CPNE8: variants seen among roughly 807,000 people sequenced by gnomAD.
CPNE8 encodes the protein copine 8.
CPNE8 carries 45 observed loss-of-function variants against 81.5 expected under a neutral mutation model. The ratio of observed to expected loss-of-function variants is 0.55; its 90% confidence interval spans 0.44 to 0.71. The LOEUF is 0.71. Ranked by LOEUF, CPNE8 falls within the 30% of genes least tolerant of loss-of-function variation. CPNE8 has a pLI of 0.00. For missense variants in CPNE8, 594 were observed against 672.1 expected (o/e 0.88, Z 1.28); for synonymous variants, 252 against 226.3 (o/e 1.11, Z -1.02).
chr12:38,882,548 A>G lies in CPNE8; in HGVS notation c.99-8037T>C, dbSNP rs368596678. ...CCACAGGAAACGAGTACAGCCAGTA[A>G]CACTGTCCAACCTCTCCTCCAAGCA... On this transcript the variant is annotated intron_variant, in intron 1 of 19. Coordinates refer to ENST00000331366, the MANE Select transcript of CPNE8 (RefSeq NM_153634.3). 2.6e-5 allele frequency among the ~76,000 whole-genome samples: 4 copies of G among 152,304 alleles called. No homozygotes were observed. In the East Asian group the frequency reaches 7.7e-4, roughly 29 times the overall value.
chr12:38,896,095 G>C (rs1006242026), intron 1 of CPNE8, among the ~76,000 whole-genome samples: 2 of 152,054 alleles, frequency 1.3e-5, no homozygotes, highest in African/African-American at 2.4e-5. Flanking sequence ...AAAGAAAATA[G>C]ATGGCAAATA....
chr12:38,793,912 C>T (rs1446475574), intron 6 of CPNE8, among the ~76,000 whole-genome samples: 1 of 151,834 alleles, frequency 6.6e-6, no homozygotes, highest in Non-Finnish European at 1.5e-5. Context: ...AGAAATACAC[C>T]CTAATGTACA....
chr12:38,735,868 T>C (rs1217693681), intron 10 of CPNE8, among the ~76,000 whole-genome samples: 1 of 151,810 alleles, frequency 6.6e-6, no homozygotes, highest in South Asian at 2.1e-4. Context: ...CTGGTTCATG[T>C]TTTTACTATT....
chr12:38,695,710 A>C (rs1352999051), intron 14 of CPNE8, among the ~76,000 whole-genome samples: 1 of 152,168 alleles, frequency 6.6e-6, no homozygotes, highest in East Asian at 1.9e-4. Flanking sequence ...AGGCTGAGGC[A>C]GGTGGACAGC....
At chr12:38,827,722 G>A in intron 6 of CPNE8, among the ~76,000 whole-genome samples, 1 of 152,152 alleles carries the variant, frequency 6.6e-6, no homozygotes, top group East Asian at 1.9e-4. Context: ...CACAGGAACA[G>A]AAAACCAAAT....
intron 3 of CPNE8, among the ~76,000 whole-genome samples, chr12:38,855,052 A>G (rs1047060363): frequency 3.2e-4 from 49 of 152,166 alleles, no homozygotes; most frequent in Non-Finnish European, 1.2e-4. Flanking sequence ...GTAAAGTTAC[A>G]GGATACAAAA....
At chr12:38,906,691 G>C (rs903479970), upstream of CPNE8, 15 of 760,438 alleles carry the variant, frequency 2.0e-5, no homozygotes, top group Admixed American at 9.4e-4. Flanking sequence ...AAAGCATCCG[G>C]AGGTAGACGA....
At chr12:38,675,856 A>C in intron 17 of CPNE8, 82 bp from the exon 18 acceptor site, 45 of 914,472 alleles carry the variant, frequency 4.9e-5, no homozygotes, top group Non-Finnish European at 7.8e-5. Context: ...ATGATATCTC[A>C]CTCTTGAAAT....
intron 10 of CPNE8, among the ~76,000 whole-genome samples, chr12:38,742,233 G>A (rs940111454): frequency 6.6e-6 from 1 of 152,172 alleles, no homozygotes; most frequent in Non-Finnish European, 1.5e-5. Flanking sequence ...ATACATGTAT[G>A]TTTATTGCGG....
intron 14 of CPNE8, among the ~76,000 whole-genome samples, chr12:38,695,720 C>A (rs924960887): frequency 6.6e-6 from 1 of 152,128 alleles, no homozygotes; most frequent in Admixed American, 6.5e-5. Context: ...AGGTGGACAG[C>A]TTGAGCCCAG....
Position 38,693,639 on chromosome 12 carries a change from C to CT in CPNE8, c.1143+17dup, listed in dbSNP as rs1939727503. 6.3e-7 allele frequency: 1 copy of CT among 1,594,238 alleles called. No homozygotes were observed. Among genetic ancestry groups the CT allele is most frequent in the South Asian group, 1.1e-5 (1 of 87,442 alleles). On this transcript the variant is annotated intron_variant, in intron 15 of 19. Transcript: ENST00000331366. ...CATTAATTTTTCAAAACATCAAATC[C>CT]TTTTGACAAATTCTTACCAAAGCAA...
intron 10 of CPNE8, among the ~76,000 whole-genome samples, chr12:38,744,293 T>C (rs1220821186): frequency 6.6e-6 from 1 of 152,218 alleles, no homozygotes; most frequent in Non-Finnish European, 1.5e-5. Flanking sequence ...TAATCACGAA[T>C]TCCAGTATTG....
At chr12:38,698,330 G>T (rs929384363) in intron 14 of CPNE8, among the ~76,000 whole-genome samples, 1 of 152,070 alleles carries the variant, frequency 6.6e-6, no homozygotes, top group Non-Finnish European at 1.5e-5. Context: ...TATGATTTGC[G>T]AACATTTTTT....
At chr12:38,905,656 C>A, upstream of CPNE8, 1 of 1,489,342 alleles carries the variant, frequency 6.7e-7, no homozygotes, top group South Asian at 1.3e-5. Flanking sequence ...GAGGCGGAGG[C>A]AGCGCGCGGG....
Position 38,724,860 on chromosome 12 carries a change from T to C in CPNE8, c.838A>G (p.Thr280Ala). 3 of 1,483,964 alleles carry C rather than the reference T, an allele frequency of 2.0e-6. No homozygotes were observed. Among genetic ancestry groups the C allele is most frequent in the Middle Eastern group, 3.5e-4 (2 of 5,642 alleles). The allele number at this position is 1,483,964 out of a possible 1,614,324, so 91.9% of individuals were successfully genotyped here. ...PKKKGKKKKY[T>A]NSGTVTLLSF... ...ATTTGACTTACTGTTCCAGAATTAG[T>C]ATATTTTTTCTTTTTTCCTTTCTTT... Residue 280 changes from threonine to alanine, a missense_variant, in exon 12 of 20, where the codon ACT becomes GCT. By Grantham distance (58) the Thr-to-Ala change is moderately conservative. Coordinates refer to ENST00000331366, the MANE Select transcript of CPNE8 (RefSeq NM_153634.3).
In CPNE8 at chr12:38,786,726, A is replaced by T. The variant is rs550077524; in HGVS notation, c.408-10425T>A. ...AGACAAAATAGGTTTCAAGACAAAA[A>T]CTATCAAAAGAGACAAAGAAGGTCA... On this transcript the variant is annotated intron_variant, in intron 6 of 19. Transcript: ENST00000331366. Among the ~76,000 whole-genome samples, 37 of 152,312 alleles carry T rather than the reference A, an allele frequency of 2.4e-4. 1 individual carries two copies. The South Asian group carries it at 6.4e-3, about 26-fold the overall frequency.
chr12:38,775,284 C>T (rs1361544273), intron 7 of CPNE8, among the ~76,000 whole-genome samples: 2 of 152,032 alleles, frequency 1.3e-5, no homozygotes, highest in Non-Finnish European at 2.9e-5. Context: ...CCATGTCCCA[C>T]CAGAAATGTA....
intron 3 of CPNE8, among the ~76,000 whole-genome samples, chr12:38,853,287 AG>A (rs748706618): frequency 2.0e-5 from 3 of 152,176 alleles, no homozygotes; most frequent in African/African-American, 2.4e-5. Flanking sequence ...TAAAATTTTG[AG>A]GAAAGACAAT....
chr12:38,760,834 A>G lies in CPNE8; in HGVS notation c.722+13T>C. ...CACCCAGTTCAAGAGTAAGAAGATA[A>G]GAACTGTCTTACCTTCCATCTCGGT... On this transcript the variant is annotated intron_variant, in intron 10 of 19. Transcript: ENST00000331366. 1 of 1,592,886 alleles carries G rather than the reference A, an allele frequency of 6.3e-7. No homozygotes were observed. The highest frequency in any genetic ancestry group is 8.6e-7 in the Non-Finnish European group (1 of 1,168,450).
Sources: gnomAD v4.1 joint callset for allele counts (sites outside exome capture counted in the v4.1 genomes callset) on GRCh38, gnomAD v4.1.1 for gene constraint, MANE v1.5 for transcripts, NCBI Gene and HGNC (gene_info 2026-07-23, HGNC 2026-07-21) for gene names.